Variants in DRICH1 observed in about 807,000 individuals in gnomAD.
DRICH1 encodes the protein aspartate-rich protein 1.
A neutral mutation model predicts 39.5 loss-of-function variants in DRICH1; 38 were observed. The observed-to-expected ratio is 0.96, with a 90% confidence interval of 0.74 to 1.26. The LOEUF is 1.26. Among genes scored for constraint, DRICH1 ranks in the 50% most tolerant of loss-of-function variants. The probability of loss-of-function intolerance (pLI) is 0.00; values close to 1 mark genes in which losing one functional copy is unlikely to be tolerated. For missense variants in DRICH1, 279 were observed against 270.4 expected, an observed-to-expected ratio of 1.03 and a Z score of -0.22; for synonymous variants, 84 against 99.5, an observed-to-expected ratio of 0.84 and a Z score of 0.93.
At chr22:23,609,569 GT>G (rs1926921791) in intron 11 of DRICH1, among the ~76,000 whole-genome samples, 1 of 152,130 alleles carries the variant, frequency 6.6e-6, no homozygotes, top group African/African-American at 2.4e-5. Flanking sequence ...GGGTACACCT[GT>G]TTGTGCAGGT....
intron 3 of DRICH1, among the ~76,000 whole-genome samples, chr22:23,622,485 C>T (rs1320708845): frequency 6.7e-6 from 1 of 150,048 alleles, no homozygotes; most frequent in Non-Finnish European, 1.5e-5. Context: ...TGTTTTGAAA[C>T]TCTTCAAAAC....
At chr22:23,628,622 A>G (rs941618862) in intron 1 of DRICH1, among the ~76,000 whole-genome samples, 3 of 152,174 alleles carry the variant, frequency 2.0e-5, no homozygotes, top group African/African-American at 7.2e-5. Flanking sequence ...CTTGGCAAAT[A>G]GTGTCTCCTC....
chr22:23,614,308 G>C (rs1569088734), intron 8 of DRICH1, 94 bp from the exon 9 acceptor site: 1 of 859,856 alleles, frequency 1.2e-6, no homozygotes, highest in Non-Finnish European at 2.0e-6. Flanking sequence ...GGAGGTGGTT[G>C]ATTAACAAGC....
chr22:23,591,224 C>T, the DRICH1 span, among the ~76,000 whole-genome samples: 1 of 152,178 alleles, frequency 6.6e-6, no homozygotes, highest in Admixed American at 6.5e-5. Context: ...AAGAAAAAGA[C>T]ACTGAGTCCC....
At chr22:23,582,841 G>A in the DRICH1 span, among the ~76,000 whole-genome samples, 4 of 151,352 alleles carry the variant, frequency 2.6e-5, no homozygotes, top group African/African-American at 4.9e-5. Context: ...GATTACAGGC[G>A]TGAGCCATCG....
At chr22:23,613,849 C>A (rs1230954181) in intron 9 of DRICH1, among the ~76,000 whole-genome samples, 189 bp from the exon 10 acceptor site, 1 of 152,146 alleles carries the variant, frequency 6.6e-6, no homozygotes, top group Non-Finnish European at 1.5e-5. Flanking sequence ...GTAGAATTTA[C>A]CTTTAATTTT....
chr22:23,628,318 G>A lies in DRICH1; in HGVS notation c.209-2270C>T, dbSNP rs573926136. Among the ~76,000 whole-genome samples, 3 of 152,350 alleles carry A rather than the reference G, an allele frequency of 2.0e-5. No individual in the cohort carries two copies. In the East Asian group the frequency reaches 5.8e-4, roughly 29 times the overall value. On this transcript the variant is annotated intron_variant, in intron 1 of 11. Coordinates refer to ENST00000317749, the MANE Select transcript of DRICH1 (RefSeq NM_016449.4). ...ACAGTGGCTCACGCCTGTAATCCTAGAACTTTGGGAGGCCGAGGTGGGTGG... is the reference window on the plus strand; with the variant it reads ...ACAGTGGCTCACGCCTGTAATCCTAAAACTTTGGGAGGCCGAGGTGGGTGG...
chr22:23,607,107 C>T (rs760399928), downstream of DRICH1: 2 of 152,688 alleles, frequency 1.3e-5, no homozygotes, highest in East Asian at 1.9e-4. Context: ...GAGGGAGGAG[C>T]GTTCCGGGAG....
chr22:23,629,489 C>T (rs545605263), intron 1 of DRICH1, among the ~76,000 whole-genome samples: 7 of 152,352 alleles, frequency 4.6e-5, no homozygotes, highest in Middle Eastern at 6.8e-3. Flanking sequence ...TTGAGCCTCA[C>T]TAACCTACTG....
the DRICH1 span, among the ~76,000 whole-genome samples, chr22:23,598,183 G>A: frequency 6.8e-6 from 1 of 146,834 alleles, no homozygotes; most frequent in East Asian, 2.0e-4. Context: ...CACCCAGGAA[G>A]CTACTGGTTT....
At chr22:23,613,615 A>G in intron 10 of DRICH1, 24 bp downstream of exon 10, 3 of 1,586,320 alleles carry the variant, frequency 1.9e-6, no homozygotes, top group Non-Finnish European at 2.6e-6. Flanking sequence ...TCCCTCAGGA[A>G]GTGAGTTATC....
chr22:23,601,370 G>C, the DRICH1 span, among the ~76,000 whole-genome samples: 1 of 152,198 alleles, frequency 6.6e-6, no homozygotes, highest in African/African-American at 2.4e-5. Context: ...CTCCTAGTCA[G>C]CATTAAAAAT....
At chr22:23,612,475 AAAAAAAG>A (rs1346214166) in intron 11 of DRICH1, among the ~76,000 whole-genome samples, 3 of 135,536 alleles carry the variant, frequency 2.2e-5, no homozygotes, top group Non-Finnish European at 3.5e-5. Flanking sequence ...TCAAAAAAAA[AAAAAAAG>A]AAAAAAAAAA....
At chr22:23,603,342 TG>T in the DRICH1 span, among the ~76,000 whole-genome samples, 4 of 150,852 alleles carry the variant, frequency 2.7e-5, no homozygotes, top group Non-Finnish European at 5.9e-5. Context: ...CACAGCAATC[TG>T]GGCCCCTGGG....
At chr22:23,583,887 A>T in the DRICH1 span, 6 of 152,456 alleles carry the variant, frequency 3.9e-5, no homozygotes, top group Middle Eastern at 3.4e-3. Context: ...TGAGTGTGAC[A>T]CTCATCACTG....
At position 23,613,624 on chromosome 22, in the gene DRICH1, T is replaced by C; in HGVS notation, c.643+15A>G. 6.3e-7 allele frequency: 1 copy of C among 1,597,304 alleles called. No homozygotes were observed. Among genetic ancestry groups the C allele is most frequent in the Non-Finnish European group, 8.6e-7 (1 of 1,165,096 alleles). Reference sequence around the variant, plus strand: ...GTTTTTTCCCTCAGGAAGTGAGTTATCTCATGGTACATACCACTTTCTATC... The same window carrying C: ...GTTTTTTCCCTCAGGAAGTGAGTTACCTCATGGTACATACCACTTTCTATC... On this transcript the variant is annotated intron_variant, in intron 10 of 11. Coordinates refer to ENST00000317749, the MANE Select transcript of DRICH1 (RefSeq NM_016449.4).
the DRICH1 span, among the ~76,000 whole-genome samples, chr22:23,582,563 T>TATTATTA: frequency 6.0e-3 from 874 of 146,626 alleles, 8 homozygotes; most frequent in African/African-American, 0.011. Flanking sequence ...GGCTTATTAT[T>TATTATTA]ATTATTATTA....
At chr22:23,590,852 A>T in the DRICH1 span, among the ~76,000 whole-genome samples, 1 of 151,994 alleles carries the variant, frequency 6.6e-6, no homozygotes, top group Non-Finnish European at 1.5e-5. Context: ...CTCCTGACCT[A>T]AAGGGATCCG....
chr22:23,614,378 AG>A (rs1927228767), intron 8 of DRICH1, among the ~76,000 whole-genome samples, 164 bp from the exon 9 acceptor site: 1 of 152,208 alleles, frequency 6.6e-6, no homozygotes, highest in Non-Finnish European at 1.5e-5. Flanking sequence ...AAAGAAGGGA[AG>A]CATGAAAGAC....
Sources: gnomAD v4.1 joint callset for allele counts (sites outside exome capture counted in the v4.1 genomes callset) on GRCh38, gnomAD v4.1.1 for gene constraint, MANE v1.5 for transcripts, NCBI Gene and HGNC (gene_info 2026-07-23, HGNC 2026-07-21) for gene names.